Variants in ASAH2 observed in about 807,000 individuals in gnomAD.
ASAH2 encodes the protein neutral ceramidase.
A neutral mutation model predicts 82.9 loss-of-function variants in ASAH2; 58 were observed. That is an observed-to-expected ratio of 0.70 (90% CI 0.57 to 0.87). The LOEUF is 0.87. ASAH2 is among the 40% of genes least tolerant of loss of function. The pLI, the probability that ASAH2 is intolerant of heterozygous loss-of-function variation, is 0.00. For missense variants in ASAH2, 779 were observed against 834.0 expected (o/e 0.93, Z 0.81); for synonymous variants, 276 against 289.7 (o/e 0.95, Z 0.48).
chr10:50,231,137 G>T (rs1372728213), intron 7 of ASAH2, among the ~76,000 whole-genome samples: 1 of 151,882 alleles, frequency 6.6e-6, no homozygotes, highest in South Asian at 2.1e-4. Context: ...CTATAAGGGC[G>T]ACTCTATCTC....
intron 13 of ASAH2, 106 bp from the exon 14 acceptor site, chr10:50,205,061 G>A (rs1845259705): frequency 1.4e-6 from 1 of 733,524 alleles, no homozygotes; most frequent in Admixed American, 3.1e-5. Context: ...TTATGATGTA[G>A]TATTAAATAT....
chr10:50,221,519 C>G (rs990379825), intron 7 of ASAH2, among the ~76,000 whole-genome samples: 1 of 152,230 alleles, frequency 6.6e-6, no homozygotes, highest in South Asian at 2.1e-4. Flanking sequence ...GAGTCAAGTA[C>G]TATCATTATC....
At position 50,204,629 on chromosome 10, in the gene ASAH2, A is replaced by C. The variant is rs971084574; in HGVS notation, c.1625+232T>G. Among the ~76,000 whole-genome samples the C allele has an allele frequency of 3.6e-3, 536 of 149,978 alleles. 1 individual carries two copies. The highest frequency in any genetic ancestry group is 0.012 in the African/African-American group (461 of 39,570). On this transcript the variant is annotated intron_variant, in intron 14 of 20. Coordinates refer to ENST00000682911, the MANE Select transcript of ASAH2 (RefSeq NM_019893.4). ...CATGGCATCATTTTAATTTGGGATAAGTTTTTTTTAATTTTCATGTCTGCC... is the reference window on the plus strand; with the variant it reads ...CATGGCATCATTTTAATTTGGGATACGTTTTTTTTAATTTTCATGTCTGCC...
chr10:50,216,061 A>G (rs1845589215), intron 8 of ASAH2, among the ~76,000 whole-genome samples: 1 of 151,820 alleles, frequency 6.6e-6, no homozygotes, highest in African/African-American at 2.4e-5. Context: ...TAACACAAGA[A>G]CAGAAAACCA....
chr10:50,204,871 C>A lies in ASAH2; in HGVS notation c.1615G>T (p.Gly539Trp). 1 of 1,608,506 alleles carries A rather than the reference C, an allele frequency of 6.2e-7. No homozygotes were observed. Among genetic ancestry groups the A allele is most frequent in the Non-Finnish European group, 8.5e-7 (1 of 1,176,100 alleles). ...AAAAGAAAAACTTACGTAAACTCCC[C>A]GGGGATGGCAGTTATGGCCAAGGAC... ...LGSLAITAIP[G>W]EFTTMSGRRL... The change falls in exon 14 of 21, where the codon GGG (glycine) becomes TGG (tryptophan). Residue 539 changes from glycine (G) to tryptophan (W), a missense_variant. Transcript: ENST00000682911.
Position 50,203,619 on chromosome 10 carries a change from G to A in ASAH2, c.1665+21C>T, listed in dbSNP as rs911469766. ...TCACCAAACATGAACATGTAGATATGTTATTTTATTTTTAACTTACTGCTT... is the reference window on the plus strand; with the variant it reads ...TCACCAAACATGAACATGTAGATATATTATTTTATTTTTAACTTACTGCTT... On this transcript the variant is annotated intron_variant, in intron 15 of 20. Coordinates refer to ENST00000682911, the MANE Select transcript of ASAH2 (RefSeq NM_019893.4). 26 of 1,605,926 alleles carry A rather than the reference G, an allele frequency of 1.6e-5. No individual in the cohort carries two copies. The African/African-American group carries it at 3.5e-4, about 22-fold the overall frequency.
chr10:50,234,317 A>T (rs1846091387), intron 6 of ASAH2, 108 bp downstream of exon 6: 1 of 1,473,892 alleles, frequency 6.8e-7, no homozygotes, highest in African/African-American at 1.4e-5. Flanking sequence ...TAGCTGTAAT[A>T]CTCTCTTGGG....
chr10:50,202,706 T>C, intron 16 of ASAH2, 123 bp downstream of exon 16: 1 of 759,888 alleles, frequency 1.3e-6, no homozygotes, highest in East Asian at 2.6e-5. Context: ...TTACCTGTTA[T>C]ACCTGAAACA....
In ASAH2 at chr10:50,234,394, A is replaced by T. The variant is rs1275551398; in HGVS notation, c.815+31T>A. 12 of 1,612,686 alleles carry T rather than the reference A, an allele frequency of 7.4e-6. No individual in the cohort carries two copies. The South Asian group carries it at 1.3e-4, about 18-fold the overall frequency. ...TTGTTGCTGTTCCCTAAAGGGAATG[A>T]AACGATTTCATTTTGACGATTCCTC... On this transcript the variant is annotated intron_variant, in intron 6 of 20. Coordinates refer to ENST00000682911, the MANE Select transcript of ASAH2 (RefSeq NM_019893.4).
chr10:50,250,826 T>A (rs1846595802), intron 1 of ASAH2, among the ~76,000 whole-genome samples: 1 of 152,242 alleles, frequency 6.6e-6, no homozygotes, highest in African/African-American at 2.4e-5. Context: ...CACTCAACAA[T>A]GGCACTTGAT....
intron 16 of ASAH2, among the ~76,000 whole-genome samples, chr10:50,201,335 C>A (rs1308755648): frequency 5.9e-5 from 9 of 152,208 alleles, no homozygotes; most frequent in Non-Finnish European, 4.4e-5. Context: ...CTGCAGACAG[C>A]AAAGCTAAAA....
At position 50,245,385 on chromosome 10, in the gene ASAH2, C is replaced by A; in HGVS notation, c.197G>T (p.Arg66Leu). The change falls in exon 3 of 21, where the codon CGC becomes CTC. Residue 66 changes from arginine to leucine, a missense_variant. Around this residue, in one of 3 missense-constraint regions of ASAH2, gnomAD observed 759 missense variants for 755.2 expected, o/e 1.00. Transcript: ENST00000682911. ...PATQGSTAAQ[R>L]STATQHSTAT... is the part of the protein sequence containing the mutation. The stretch of plus-strand genomic sequence containing the variant: ...TGTGGAATGCTGGGTGGCTGTGGAG[C>A]GTTGGGCAGCTGTGGAGCCCTGGGT... 3 of 1,613,328 alleles carry A rather than the reference C, an allele frequency of 1.9e-6. No homozygotes were observed. The highest frequency in any genetic ancestry group is 2.5e-6 in the Non-Finnish European group (3 of 1,179,818).
At chr10:50,225,579 A>G (rs1037137642) in intron 7 of ASAH2, among the ~76,000 whole-genome samples, 1 of 152,176 alleles carries the variant, frequency 6.6e-6, no homozygotes, top group Admixed American at 6.5e-5. Flanking sequence ...TAAGCCTGTT[A>G]CTTGGCAACA....
At chr10:50,232,937 AC>A (rs1416690883) in intron 7 of ASAH2, among the ~76,000 whole-genome samples, 1 of 152,134 alleles carries the variant, frequency 6.6e-6, no homozygotes, top group African/African-American at 2.4e-5. Flanking sequence ...CAAGCTCTTC[AC>A]CAAGATCTCT....
rs1846146725 is a variant in ASAH2, at chr10:50,235,871, T to C, written c.687+17A>G. ...AGCAATGGTAAAGAACAGCTGCCTC[T>C]GGGGCTCTTTGCCTACCTTCAAGAT... On this transcript the variant is annotated intron_variant, in intron 5 of 20. Coordinates refer to ENST00000682911, the MANE Select transcript of ASAH2 (RefSeq NM_019893.4). 11 of 1,612,474 alleles carry C rather than the reference T, an allele frequency of 6.8e-6. No individual in the cohort carries two copies. The highest frequency in any genetic ancestry group is 5.9e-6 in the Non-Finnish European group (7 of 1,178,806).
At chr10:50,247,089 A>C (rs1846478106) in intron 2 of ASAH2, among the ~76,000 whole-genome samples, 1 of 152,148 alleles carries the variant, frequency 6.6e-6, no homozygotes, top group South Asian at 2.1e-4. Flanking sequence ...GCTGTAATTA[A>C]TAATAACCTC....
chr10:50,202,717 T>A, intron 16 of ASAH2, 112 bp downstream of exon 16: 1 of 805,170 alleles, frequency 1.2e-6, no homozygotes. Flanking sequence ...ACCTGAAACA[T>A]AATCATCTCT....
rs1338575185 is a variant in ASAH2 at position 50,202,816 on chromosome 10, C to T, written c.1761+13G>A. ...GTATAATTCATTTAAATGATGAAAA[C>T]GTTTTGCTTTACCTGGTATTCTTCA... On this transcript the variant is annotated intron_variant, in intron 16 of 20. Coordinates refer to ENST00000682911, the MANE Select transcript of ASAH2 (RefSeq NM_019893.4). The T allele has an allele frequency of 1.5e-5, 23 of 1,555,028 alleles. No homozygotes were observed. In the East Asian group the frequency reaches 1.8e-4, roughly 12 times the overall value.
chr10:50,236,205 C>T (rs893638237), intron 4 of ASAH2, 141 bp from the exon 5 acceptor site: 1 of 757,630 alleles, frequency 1.3e-6, no homozygotes. Flanking sequence ...TAAAGACATA[C>T]CTAAGACTGA....
Sources: allele counts gnomAD v4.1 joint callset (sites outside exome capture counted in the v4.1 genomes callset), GRCh38; gene constraint gnomAD v4.1.1; regional missense constraint gnomAD v4.1.1; transcripts MANE v1.5; gene names NCBI Gene and HGNC (gene_info 2026-07-23, HGNC 2026-07-21).